Variants in CNIH3 observed in about 807,000 individuals in gnomAD.
CNIH3 encodes the protein cornichon family AMPA receptor auxiliary protein 3.
In CNIH3, 14 loss-of-function variants were observed where a neutral mutation model predicts 24.1. That is an observed-to-expected ratio of 0.58 (90% CI 0.38 to 0.91). The LOEUF (loss-of-function observed/expected upper bound fraction) is 0.91, where lower values mean the gene tolerates loss of function less well. Ranked by LOEUF, CNIH3 falls within the 40% of genes least tolerant of loss-of-function variation. CNIH3 has a pLI of 0.00. For synonymous variants in CNIH3, 68 were observed against 73.8 expected, an observed-to-expected ratio of 0.92 and a Z score of 0.40; for missense variants, 178 against 196.8, an observed-to-expected ratio of 0.90 and a Z score of 0.57.
At chr1:224,677,221 C>T (rs1023969921) in intron 1 of CNIH3, among the ~76,000 whole-genome samples, 14 of 152,124 alleles carry the variant, frequency 9.2e-5, no homozygotes, top group Non-Finnish European at 1.6e-4. Flanking sequence ...GCATATAGCC[C>T]GGCAGCTGAC....
chr1:224,722,292 C>T (rs936273855), intron 3 of CNIH3, among the ~76,000 whole-genome samples: 4 of 152,158 alleles, frequency 2.6e-5, no homozygotes, highest in Non-Finnish European at 5.9e-5. Flanking sequence ...ACAAAATCAC[C>T]TGGAATGCTC....
chr1:224,520,179 C>T (rs189995408), intron 1 of CNIH3, among the ~76,000 whole-genome samples: 2 of 152,346 alleles, frequency 1.3e-5, no homozygotes, highest in East Asian at 3.8e-4. Flanking sequence ...GAAACAATTT[C>T]TCTGCTTCTA....
intron 1 of CNIH3, among the ~76,000 whole-genome samples, chr1:224,670,704 T>C (rs1383553842): frequency 2.6e-5 from 4 of 152,136 alleles, no homozygotes; most frequent in East Asian, 3.9e-4. Flanking sequence ...ATGCCATGAC[T>C]CATGATGGCT....
intron 1 of CNIH3, among the ~76,000 whole-genome samples, chr1:224,442,980 T>G (rs1235357167): frequency 1.3e-5 from 2 of 152,214 alleles, no homozygotes; most frequent in African/African-American, 2.4e-5. Context: ...TAATTAGTAG[T>G]AGGTAAGTAA....
In CNIH3 at chr1:224,739,421, C is replaced by T; in HGVS notation, c.*65C>T. Reference sequence around the variant, plus strand: ...AGGCCTGAGACGGAGAGGTGCATTTCTGCTGGTGACTGGAGGAGGGACCAG... The same window carrying T: ...AGGCCTGAGACGGAGAGGTGCATTTTTGCTGGTGACTGGAGGAGGGACCAG... On this transcript the variant is annotated 3_prime_UTR_variant, in exon 6 of 6. Coordinates refer to ENST00000272133, the MANE Select transcript of CNIH3 (RefSeq NM_152495.2). 6.5e-7 allele frequency: 1 copy of T among 1,546,664 alleles called. No homozygotes were observed. The highest frequency in any genetic ancestry group is 8.7e-7 in the Non-Finnish European group (1 of 1,149,072).
rs996560367 is a variant in CNIH3, at chr1:224,594,650, G to A, written n.402+28386G>A. 4.6e-5 allele frequency among the ~76,000 whole-genome samples: 7 copies of A among 152,328 alleles called. 1 individual carries two copies. Among genetic ancestry groups the A allele is most frequent in the Admixed American group, 3.9e-4 (6 of 15,306 alleles). ...GTTTGCACAGGAAAGGTCAGGCGGA[G>A]CAGCATAAACAGTTTTGGATTGGGC... On this transcript the variant is annotated intron_variant and non_coding_transcript_variant, in intron 3 of 7. Coordinates refer to the CNIH3 transcript ENST00000478120.
intron 1 of CNIH3, among the ~76,000 whole-genome samples, chr1:224,658,526 G>A (rs1039048746): frequency 6.6e-6 from 1 of 151,704 alleles, no homozygotes; most frequent in Admixed American, 6.6e-5. Context: ...AATATCAAAG[G>A]TTAATACACC....
At chr1:224,685,252 A>T (rs1457748237) in intron 3 of CNIH3, among the ~76,000 whole-genome samples, 1 of 152,196 alleles carries the variant, frequency 6.6e-6, no homozygotes, top group Non-Finnish European at 1.5e-5. Context: ...TTGAGGTTGC[A>T]GCGTGTCACG....
intron 1 of CNIH3, among the ~76,000 whole-genome samples, chr1:224,440,735 G>C (rs1410955875): frequency 6.6e-6 from 1 of 152,100 alleles, no homozygotes; most frequent in South Asian, 2.1e-4. Context: ...TGGATGGAGT[G>C]GGGTAGTGAG....
rs1273821083 is a variant in CNIH3, at chr1:224,457,273, CTCTGTGTGTG to C, written n.203+22413_203+22422del. Among the ~76,000 whole-genome samples the C allele has an allele frequency of 8.1e-3, 228 of 28,088 alleles. 2 individuals carry two copies. The East Asian group carries it at 0.29, about 36-fold the overall frequency. 18.4% of individuals were successfully genotyped at this position (28,088 alleles called of 152,430 possible). On this transcript the variant is annotated intron_variant and non_coding_transcript_variant, in intron 1 of 5. Transcript: ENST00000471578. ...GCCGTAGCTGAGCCCTCCTCTCTCTCTCTGTGTGTGTGTGTGTGTGTGTGTGTGTGTGTGT... is the reference window on the plus strand; with the variant it reads ...GCCGTAGCTGAGCCCTCCTCTCTCTCTGTGTGTGTGTGTGTGTGTGTGTGT...
intron 1 of CNIH3, among the ~76,000 whole-genome samples, chr1:224,496,839 A>T (rs2124860386): frequency 6.6e-6 from 1 of 152,326 alleles, no homozygotes; most frequent in Non-Finnish European, 1.5e-5. Context: ...TTTCTTTTAG[A>T]CTTACCTATG....
At chr1:224,644,782 T>TC (rs1684523967) in intron 1 of CNIH3, among the ~76,000 whole-genome samples, 1 of 152,200 alleles carries the variant, frequency 6.6e-6, no homozygotes, top group African/African-American at 2.4e-5. Flanking sequence ...TGAAGACGCC[T>TC]CCAAGTTCAA....
chr1:224,596,313 A>T (rs1188553423), intron 3 of CNIH3, among the ~76,000 whole-genome samples: 1 of 152,262 alleles, frequency 6.6e-6, no homozygotes, highest in Admixed American at 6.5e-5. Flanking sequence ...AAGTGGAACA[A>T]CAAAGCCTGT....
At chr1:224,710,849 A>G (rs1427331580) in intron 3 of CNIH3, among the ~76,000 whole-genome samples, 2 of 152,200 alleles carry the variant, frequency 1.3e-5, no homozygotes, top group Non-Finnish European at 2.9e-5. Context: ...CTATTCCACT[A>G]AAGAAATGAT....
intron 3 of CNIH3, among the ~76,000 whole-genome samples, chr1:224,722,391 T>G (rs1457918094): frequency 2.0e-5 from 3 of 152,070 alleles, no homozygotes; most frequent in Non-Finnish European, 4.4e-5. Flanking sequence ...TCTAGGCAAT[T>G]TGGATGCAGG....
intron 1 of CNIH3, among the ~76,000 whole-genome samples, chr1:224,474,697 T>C (rs1200859687): frequency 6.6e-6 from 1 of 151,700 alleles, no homozygotes; most frequent in Non-Finnish European, 1.5e-5. Flanking sequence ...TGACAAACCT[T>C]TATCCAGACT....
At chr1:224,521,402 A>G (rs1041439901) in intron 2 of CNIH3, 1 of 152,188 alleles carries the variant, frequency 6.6e-6, no homozygotes, top group African/African-American at 2.4e-5. Context: ...ATTAGTAAAT[A>G]ACTGTCAAGA....
At chr1:224,630,066 G>T (rs755518128) in intron 1 of CNIH3, among the ~76,000 whole-genome samples, 13 of 152,124 alleles carry the variant, frequency 8.5e-5, no homozygotes, top group Non-Finnish European at 1.6e-4. Context: ...TCTTCCAGAG[G>T]ATTTCACCAG....
At chr1:224,738,694 G>GATAC (rs1445153427) in intron 5 of CNIH3, among the ~76,000 whole-genome samples, 1 of 152,112 alleles carries the variant, frequency 6.6e-6, no homozygotes, top group African/African-American at 2.4e-5. Flanking sequence ...AGCGCACAGG[G>GATAC]ATACATGTCC....
Sources: allele counts gnomAD v4.1 joint callset (sites outside exome capture counted in the v4.1 genomes callset), GRCh38; gene constraint gnomAD v4.1.1; transcripts MANE v1.5; gene names NCBI Gene and HGNC (gene_info 2026-07-23, HGNC 2026-07-21).